Variants in HMGN1 observed in about 807,000 individuals in gnomAD.
HMGN1 encodes the protein non-histone chromosomal protein HMG-14.
In HMGN1, 9 loss-of-function variants were observed where a neutral mutation model predicts 18.4. That is an observed-to-expected ratio of 0.49 (90% confidence interval 0.29 to 0.85). The LOEUF is 0.85. Among genes scored for constraint, HMGN1 ranks in the 40% least tolerant of loss-of-function variants. The probability of loss-of-function intolerance (pLI) is 0.07; values close to 1 mark genes in which losing one functional copy is unlikely to be tolerated. For synonymous variants in HMGN1, 59 were observed against 45.0 expected (o/e 1.31, Z -1.24); for missense variants, 151 against 119.2 (o/e 1.27, Z -1.24).
At chr21:39,348,633 C>T in intron 1 of HMGN1, 56 bp from the exon 2 acceptor site, 1 of 1,504,188 alleles carries the variant, frequency 6.6e-7, no homozygotes, top group Non-Finnish European at 8.8e-7. Flanking sequence ...GACTCGCGGG[C>T]CCGCCCGGCC....
chr21:39,348,796 C>A, intron 1 of HMGN1, 107 bp downstream of exon 1: 1 of 1,073,298 alleles, frequency 9.3e-7, no homozygotes, highest in South Asian at 2.6e-5. Flanking sequence ...CAAGCGCCTC[C>A]CGGGCCCGTC....
chr21:39,348,358 A>C lies in HMGN1; in HGVS notation c.79-19T>G. 1.2e-6 allele frequency: 2 copies of C among 1,614,182 alleles called. No individual in the cohort carries two copies. The highest frequency in any genetic ancestry group is 1.7e-6 in the Non-Finnish European group (2 of 1,180,040). ...GAGGTTTCTGAAAGGCAAAAGCAGC[A>C]CTGAGCGTCCTCACCCGGGACGACC... On this transcript the variant is annotated intron_variant, in intron 3 of 5. Transcript: ENST00000380749.
intron 4 of HMGN1, chr21:39,346,153 G>C (rs1169646204): frequency 1.6e-5 from 6 of 367,248 alleles, no homozygotes. Context: ...TGGTATAAAA[G>C]ACCCATACGG....
In HMGN1 at chr21:39,343,205, CGTTTT is replaced by C. The variant is rs2036924851; in HGVS notation, c.256-51_256-47del. 5.2e-6 allele frequency: 8 copies of C among 1,545,580 alleles called. No homozygotes were observed. The South Asian group carries it at 9.4e-5, about 18-fold the overall frequency. On this transcript the variant is annotated intron_variant, in intron 5 of 5. Coordinates refer to ENST00000380749, the MANE Select transcript of HMGN1 (RefSeq NM_004965.7). ...AGATCTTTAGCATTTAACACGTTGT[CGTTTT>C]ATTTATATGCAACTATCAGGTCTTT...
chr21:39,348,709 G>A (rs1470082407), intron 1 of HMGN1, 132 bp from the exon 2 acceptor site: 5 of 1,191,270 alleles, frequency 4.2e-6, no homozygotes, highest in African/African-American at 3.2e-5. Flanking sequence ...AGCCCCCTCA[G>A]CTCCCCCGGC....
chr21:39,348,262 C>A, intron 4 of HMGN1, 30 bp downstream of exon 4: 1 of 1,613,514 alleles, frequency 6.2e-7, no homozygotes, highest in South Asian at 1.1e-5. Flanking sequence ...TAAGGCCCCG[C>A]TGCATCCCAA....
Position 39,348,944 on chromosome 21 carries a change from G to A in HMGN1, c.-27C>T, listed in dbSNP as rs770671093. 3.3e-6 allele frequency: 4 copies of A among 1,196,188 alleles called. No individual in the cohort carries two copies. Among genetic ancestry groups the A allele is most frequent in the Non-Finnish European group, 4.1e-6 (4 of 965,482 alleles). The allele number at this position is 1,196,188 out of a possible 1,614,324, so 74.1% of individuals were successfully genotyped here. ...GTGGCGGCGGGGAAGGCGCGTGCCG[G>A]GTGCCTGCGGGGAAGGCGCGTGCCG... On this transcript the variant is annotated 5_prime_UTR_variant, in exon 1 of 6. Coordinates refer to ENST00000380749, the MANE Select transcript of HMGN1 (RefSeq NM_004965.7).
intron 4 of HMGN1, chr21:39,345,549 TC>T (rs1325254694): frequency 2.4e-5 from 12 of 506,046 alleles, no homozygotes; most frequent in East Asian, 1.1e-4. Context: ...CAACTTAAGG[TC>T]CCCCCCAGTA....
At chr21:39,344,952 C>T (rs2036990535) in intron 5 of HMGN1, among the ~76,000 whole-genome samples, 194 bp downstream of exon 5, 1 of 152,102 alleles carries the variant, frequency 6.6e-6, no homozygotes, top group South Asian at 2.1e-4. Flanking sequence ...TTAAATAAGC[C>T]ATTTACATAT....
rs531131419 is a variant in HMGN1 at position 39,348,346 on chromosome 21, G to A, written c.79-7C>T. On this transcript the variant is annotated splice_region_variant and splice_polypyrimidine_tract_variant and intron_variant, in intron 3 of 5. Coordinates refer to ENST00000380749, the MANE Select transcript of HMGN1 (RefSeq NM_004965.7). Reference sequence around the variant, plus strand: ...CCACTTTTGCAGGAGGTTTCTGAAAGGCAAAAGCAGCACTGAGCGTCCTCA... The same window carrying A: ...CCACTTTTGCAGGAGGTTTCTGAAAAGCAAAAGCAGCACTGAGCGTCCTCA... 5.5e-5 allele frequency: 88 copies of A among 1,614,168 alleles called. 2 individuals are homozygous for A. In the South Asian group the frequency reaches 9.0e-4, roughly 17 times the overall value.
Position 39,345,143 on chromosome 21 carries a change from G to A in HMGN1, c.255+3C>T, listed in dbSNP as rs745545586. 1.1e-5 allele frequency: 14 copies of A among 1,320,104 alleles called. No individual in the cohort carries two copies. In the East Asian group the frequency reaches 2.8e-4, roughly 27 times the overall value. 81.8% of individuals were successfully genotyped at this position (1,320,104 alleles called of 1,614,324 possible). On this transcript the variant is annotated splice_donor_region_variant and intron_variant, in intron 5 of 5. Coordinates refer to ENST00000380749, the MANE Select transcript of HMGN1 (RefSeq NM_004965.7). ...CACACACACACACACACACACTTCT[G>A]ACCTCCTCAGTCTTCGTTTCCCCGT...
Position 39,348,332 on chromosome 21 carries a change from G to T in HMGN1, c.86C>A (p.Pro29His), listed in dbSNP as rs892420213. 4.3e-6 allele frequency: 7 copies of T among 1,614,106 alleles called. No homozygotes were observed. Among genetic ancestry groups the T allele is most frequent in the Non-Finnish European group, 5.9e-6 (7 of 1,179,986 alleles). ...RRSARLSAKP[P>H]AKVEAKPKKA... ...TTTCGGCTTCGCTTCCACTTTTGCA[G>T]GAGGTTTCTGAAAGGCAAAAGCAGC... is the stretch of plus-strand genomic sequence containing the variant. The change falls in exon 4 of 6, where the codon CCT (proline) becomes CAT (histidine). Residue 29 changes from proline (P) to histidine (H), a missense_variant. By Grantham distance (77) the Pro-to-His change is moderately conservative (BLOSUM62 -2). Transcript: ENST00000380749.
chr21:39,348,525 C>G lies in HMGN1; in HGVS notation c.48+20G>C. ...GGCTCACGGGAAACCCACCACCCCC[C>G]GCAGAAGGCCCGCACTCACCTCTTC... On this transcript the variant is annotated intron_variant, in intron 2 of 5. Coordinates refer to ENST00000380749, the MANE Select transcript of HMGN1 (RefSeq NM_004965.7). 4 of 1,613,434 alleles carry G rather than the reference C, an allele frequency of 2.5e-6. No individual in the cohort carries two copies. Among genetic ancestry groups the G allele is most frequent in the East Asian group, 2.2e-5 (1 of 44,850 alleles).
intron 4 of HMGN1, chr21:39,347,356 GAAA>G (rs550073909): frequency 1.1e-5 from 12 of 1,077,764 alleles, no homozygotes; most frequent in Non-Finnish European, 1.4e-5. Context: ...AATTAAAAAA[GAAA>G]AAACATCTTT....
Position 39,342,545 on chromosome 21 carries a change from A to G in HMGN1, c.*567T>C, listed in dbSNP as rs112580546. On this transcript the variant is annotated 3_prime_UTR_variant, in exon 6 of 6. Coordinates refer to ENST00000380749, the MANE Select transcript of HMGN1 (RefSeq NM_004965.7). Reference sequence around the variant, plus strand: ...TGTTACATACGGCCCACCAGTTCACAACTCAACAGCACGTACACTACATGT... The same window carrying G: ...TGTTACATACGGCCCACCAGTTCACGACTCAACAGCACGTACACTACATGT... The G allele has an allele frequency of 1.4e-4, 36 of 265,784 alleles. No individual in the cohort carries two copies. Among genetic ancestry groups the G allele is most frequent in the African/African-American group, 7.4e-4 (32 of 43,226 alleles). The allele number at this position is 265,784 out of a possible 1,614,324, so 16.5% of individuals were successfully genotyped here.
chr21:39,348,049 A>C (rs2037121499), intron 4 of HMGN1: 1 of 1,029,446 alleles, frequency 9.7e-7, no homozygotes. Flanking sequence ...TTGTAGACTT[A>C]ATATTTAATA....
At chr21:39,345,741 G>T in intron 4 of HMGN1, 1 of 935,568 alleles carries the variant, frequency 1.1e-6, no homozygotes, top group Non-Finnish European at 1.5e-6. Context: ...GAGTCTCGTC[G>T]ACCGTATTCC....
intron 1 of HMGN1, 115 bp downstream of exon 1, chr21:39,348,788 A>C: frequency 9.3e-7 from 1 of 1,075,758 alleles, no homozygotes; most frequent in Non-Finnish European, 1.2e-6. Flanking sequence ...CCGGTCTCCA[A>C]GCGCCTCCCG....
At chr21:39,348,706 T>C in intron 1 of HMGN1, 129 bp from the exon 2 acceptor site, 1 of 1,197,844 alleles carries the variant, frequency 8.3e-7, no homozygotes, top group Non-Finnish European at 1.1e-6. Flanking sequence ...AATAGCCCCC[T>C]CAGCTCCCCC....
Sources: gnomAD v4.1 joint callset for allele counts (sites outside exome capture counted in the v4.1 genomes callset) on GRCh38, gnomAD v4.1.1 for gene constraint, MANE v1.5 for transcripts, NCBI Gene and HGNC (gene_info 2026-07-23, HGNC 2026-07-21) for gene names.